Variants in KIF21B observed in about 807,000 individuals in gnomAD.
KIF21B encodes the protein kinesin family member 21B.
A neutral mutation model predicts 192.9 loss-of-function variants in KIF21B; 85 were observed. That is an observed-to-expected ratio of 0.44 (90% CI 0.37 to 0.53). The LOEUF is 0.53. Among genes scored for constraint, KIF21B ranks in the 20% least tolerant of loss-of-function variants. The probability of loss-of-function intolerance (pLI) is 0.00; values close to 1 mark genes in which losing one functional copy is unlikely to be tolerated. For missense variants in KIF21B, 1,716 were observed against 2,194.8 expected (o/e 0.78, Z 4.36); for synonymous variants, 832 against 884.6 (o/e 0.94, Z 1.05).
At position 201,002,181 on chromosome 1, in the gene KIF21B, T is replaced by C. The variant is rs772235540; in HGVS notation, c.1382A>G (p.Asn461Ser). ...CTCACCGGCCTTGGCTAGCAGCAGG[T>C]TGGCCTCCTGGCTCATGAGCTGGGT... is the stretch of plus-strand genomic sequence containing the variant. ...RVTQLMSQEANLLLAKAGDGN... is the reference protein window; with the variant it reads ...RVTQLMSQEASLLLAKAGDGN... Residue 461 changes from asparagine to serine, a missense_variant, in exon 9 of 35, where the codon AAC becomes AGC. Coordinates refer to ENST00000461742, the MANE Select transcript of KIF21B (RefSeq NM_001252102.2). 1 of 1,614,124 alleles carries C rather than the reference T, an allele frequency of 6.2e-7. No individual in the cohort carries two copies. The highest frequency in any genetic ancestry group is 1.7e-5 in the Admixed American group (1 of 60,024).
chr1:200,999,515 C>T lies in KIF21B; in HGVS notation c.1768-49G>A, dbSNP rs1189343434. ...TGGGCCTGGCCTCAGAGAGGGGAGC[C>T]CAGAAGCAGAGGTGCATCCCGACAC... On this transcript the variant is annotated intron_variant, in intron 12 of 34. Coordinates refer to ENST00000461742, the MANE Select transcript of KIF21B (RefSeq NM_001252102.2). This position sits in a 1 kb window ranked among gnomAD's most constrained non-coding sequence, Gnocchi z 4.7. 14 of 1,595,244 alleles carry T rather than the reference C, an allele frequency of 8.8e-6. No homozygotes were observed. Among genetic ancestry groups the T allele is most frequent in the Non-Finnish European group, 1.2e-5 (14 of 1,170,194 alleles).
At chr1:201,005,760 C>A in intron 3 of KIF21B, 66 bp from the exon 4 acceptor site, 2 of 1,503,746 alleles carry the variant, frequency 1.3e-6, no homozygotes, top group Non-Finnish European at 1.8e-6. Context: ...CTGCCACATG[C>A]CTATAAACCA....
rs761636522 is a variant in KIF21B at position 201,008,895 on chromosome 1, C to A, written c.321G>T (p.Glu107Asp). 24 of 1,611,810 alleles carry A rather than the reference C, an allele frequency of 1.5e-5. No homozygotes were observed. In the South Asian group the frequency reaches 2.2e-4, roughly 15 times the overall value. Residue 107 changes from glutamate (E) to aspartate (D), a missense_variant, in exon 3 of 35, where the codon GAG becomes GAT. Coordinates refer to ENST00000461742, the MANE Select transcript of KIF21B (RefSeq NM_001252102.2). ...MGTGFDMATS[E>D]EEQGIIPRAI... ...CCCTCGGGATGATGCCCTGCTCCTC[C>A]TCCGACGTTGCCATGTCAAAGCCAG...
At chr1:200,988,613 G>T in intron 22 of KIF21B, 69 bp from the exon 23 acceptor site, 1 of 1,438,936 alleles carries the variant, frequency 6.9e-7, no homozygotes, top group Non-Finnish European at 9.5e-7. Flanking sequence ...AGGGATGATG[G>T]TCTCCCTCCT....
chr1:201,014,664 T>C (rs925804361), intron 1 of KIF21B, among the ~76,000 whole-genome samples: 4 of 152,214 alleles, frequency 2.6e-5, no homozygotes, highest in Non-Finnish European at 5.9e-5. Context: ...CCCAGTGACC[T>C]TGGACTCCTA....
Position 200,999,327 on chromosome 1 carries a change from C to T in KIF21B, c.1885+22G>A, listed in dbSNP as rs1657305494. 1 of 1,613,904 alleles carries T rather than the reference C, an allele frequency of 6.2e-7. No homozygotes were observed. On this transcript the variant is annotated intron_variant, in intron 13 of 34. Coordinates refer to ENST00000461742, the MANE Select transcript of KIF21B (RefSeq NM_001252102.2). This position sits in a 1 kb window ranked among gnomAD's most constrained non-coding sequence, Gnocchi z 4.7. ...CAGCCAGGCATTGCATCCCCCACAG[C>T]CCACAGCTCAGGCCCACGCACCCTT...
rs149157665 is a variant in KIF21B at position 200,996,929 on chromosome 1, C to A, written c.2078-534G>T. Among the ~76,000 whole-genome samples the A allele has an allele frequency of 9.2e-4, 140 of 152,280 alleles. 1 individual carries two copies. The highest frequency in any genetic ancestry group is 3.2e-3 in the African/African-American group (135 of 41,556). On this transcript the variant is annotated intron_variant, in intron 14 of 34. Transcript: ENST00000461742. Reference sequence around the variant, plus strand: ...TCAGTACACAGCATCACGCTCCTTCCAGAAGCTCACACCCTGAGGCATCCT... The same window carrying A: ...TCAGTACACAGCATCACGCTCCTTCAAGAAGCTCACACCCTGAGGCATCCT...
At chr1:200,988,186 G>T in intron 24 of KIF21B, 110 bp downstream of exon 24, 1 of 1,118,150 alleles carries the variant, frequency 8.9e-7, no homozygotes, top group Non-Finnish European at 1.4e-6. Flanking sequence ...CCCAGCTGGG[G>T]ACAACATTGT....
At position 200,987,207 on chromosome 1, in the gene KIF21B, A is replaced by T; in HGVS notation, c.3409-6T>A. 3 of 1,610,944 alleles carry T rather than the reference A, an allele frequency of 1.9e-6. No individual in the cohort carries two copies. The Middle Eastern group carries it at 5.0e-4, about 267-fold the overall frequency. ...GCAGACAGTTTGGGCTCGCTCTGGG[A>T]AAAGAAGAACAGGGTGGATCAACTT... On this transcript the variant is annotated splice_polypyrimidine_tract_variant and splice_region_variant and intron_variant, in intron 24 of 34. Coordinates refer to ENST00000461742, the MANE Select transcript of KIF21B (RefSeq NM_001252102.2).
intron 1 of KIF21B, among the ~76,000 whole-genome samples, chr1:201,016,565 G>T (rs1658516866): frequency 6.6e-6 from 1 of 152,166 alleles, no homozygotes; most frequent in Non-Finnish European, 1.5e-5. Context: ...GACACCCGGG[G>T]GCTTTTAGCT....
Position 200,984,777 on chromosome 1 carries a change from G to A in KIF21B, c.3803+82C>T. 7.4e-6 allele frequency: 8 copies of A among 1,080,932 alleles called. No homozygotes were observed. In the South Asian group the frequency reaches 1.4e-4, roughly 19 times the overall value. The allele number at this position is 1,080,932 out of a possible 1,614,324, so 67.0% of individuals were successfully genotyped here. A position where few individuals can be genotyped will look rare whatever the true frequency, so the allele number is the denominator to read the frequency against. ...GGCTGGGGTTGGCTTGGCCACCTGA[G>A]CCCTCCTCCAGCAAGGACCATCCAC... On this transcript the variant is annotated intron_variant, in intron 27 of 34. Transcript: ENST00000461742.
At chr1:201,016,613 C>G (rs761756636) in intron 1 of KIF21B, among the ~76,000 whole-genome samples, 1 of 152,152 alleles carries the variant, frequency 6.6e-6, no homozygotes, top group Non-Finnish European at 1.5e-5. Context: ...AGAGACCAGT[C>G]TTCTATAAAA....
chr1:201,009,152 A>G, intron 2 of KIF21B, 114 bp downstream of exon 2: 1 of 1,193,632 alleles, frequency 8.4e-7, no homozygotes, highest in South Asian at 1.5e-5. Context: ...TCCTTAGACA[A>G]TAGACAAAAC....
chr1:200,987,468 TC>T, intron 24 of KIF21B, among the ~76,000 whole-genome samples: 1 of 152,060 alleles, frequency 6.6e-6, no homozygotes, highest in East Asian at 1.9e-4. Flanking sequence ...GGTCTTGAAC[TC>T]CTGGGCTCAC....
chr1:200,972,961 T>A lies in KIF21B; in HGVS notation c.*560A>T, dbSNP rs1266854306. On this transcript the variant is annotated 3_prime_UTR_variant, in exon 35 of 35. Transcript: ENST00000461742. ...CCATCCAAAAGGGACCCCAGGGAACTGTTGGGGCCAGTTGGGGCTATCTGC... is the reference window on the plus strand; with the variant it reads ...CCATCCAAAAGGGACCCCAGGGAACAGTTGGGGCCAGTTGGGGCTATCTGC... 3.3e-5 allele frequency: 5 copies of A among 153,006 alleles called. No homozygotes were observed. The highest frequency in any genetic ancestry group is 1.2e-4 in the African/African-American group (5 of 41,480). 9.5% of individuals were successfully genotyped at this position (153,006 alleles called of 1,614,324 possible).
rs775094351 is a variant in KIF21B, at chr1:200,984,865, A to T, written c.3797T>A (p.Leu1266Gln). Residue 1266 changes from leucine (L) to glutamine (Q), a missense_variant, in exon 27 of 35, where the codon CTG (leucine) becomes CAG (glutamine). Physicochemically the swap from Leu to Gln is moderately radical, Grantham distance 113. Transcript: ENST00000461742. ...LTSNQSQGSALDKSDDSDSSL... is the reference protein window; with the variant it reads ...LTSNQSQGSAQDKSDDSDSSL... The stretch of plus-strand genomic sequence containing the variant: ...GCCCTCCAGCCCTGCTTACTTGTCC[A>T]GCGCTGACCCCTGGCTCTGATTACT... The T allele has an allele frequency of 1.9e-6, 3 of 1,584,258 alleles. No homozygotes were observed.
intron 15 of KIF21B, among the ~76,000 whole-genome samples, chr1:200,994,217 GGT>G (rs1215006918): frequency 1.3e-5 from 2 of 152,228 alleles, no homozygotes; most frequent in Non-Finnish European, 2.9e-5. Flanking sequence ...AACATGCCAC[GGT>G]ACCCGAGACC....
chr1:200,970,585 T>C lies in KIF21B; in HGVS notation c.*2936A>G, dbSNP rs1337871775. The C allele has an allele frequency of 6.6e-6, 1 of 152,374 alleles. No homozygotes were observed. The highest frequency in any genetic ancestry group is 1.5e-5 in the Non-Finnish European group (1 of 68,076). The allele number at this position is 152,374 out of a possible 1,614,324, so 9.4% of individuals were successfully genotyped here. A position where few individuals can be genotyped will look rare whatever the true frequency, so the allele number is the denominator to read the frequency against. On this transcript the variant is annotated 3_prime_UTR_variant, in exon 35 of 35. Transcript: ENST00000461742. ...AAGCAAATACTGAACTGACTGATAG[T>C]GAGGACAGGGCCCTGGCACAGGACT...
rs367851094 is a variant in KIF21B, at chr1:200,977,205, C to A, written c.4325+7G>T. ...AACCCTCCTCCCTCCCCAGGTATCA[C>A]GCTGACCTGCTAAGCTCCCAGATGC... On this transcript the variant is annotated splice_region_variant and intron_variant, in intron 31 of 34. Transcript: ENST00000461742. The A allele has an allele frequency of 7.8e-5, 126 of 1,607,390 alleles. No homozygotes were observed. The highest frequency in any genetic ancestry group is 1.0e-4 in the Non-Finnish European group (118 of 1,174,888).
Sources: allele counts gnomAD v4.1 joint callset (sites outside exome capture counted in the v4.1 genomes callset), GRCh38; gene constraint gnomAD v4.1.1; non-coding constraint Gnocchi (gnomAD v3.1); transcripts MANE v1.5; gene names NCBI Gene and HGNC (gene_info 2026-07-23, HGNC 2026-07-21).